The following SEMA3C variants were observed in gnomAD, a reference collection of about 807,000 sequenced individuals.
The protein encoded by SEMA3C is semaphorin 3C.
Under a neutral mutation model 89.4 loss-of-function variants are expected in SEMA3C, and 47 were observed. The observed-to-expected ratio is 0.53, with a 90% CI of 0.42 to 0.67. The LOEUF (loss-of-function observed/expected upper bound fraction) is 0.67, where lower values mean the gene tolerates loss of function less well. Among genes scored for constraint, SEMA3C ranks in the 30% least tolerant of loss-of-function variants. SEMA3C has a pLI of 0.00. For missense variants in SEMA3C, 839 were observed against 929.1 expected (o/e 0.90, Z 1.26); for synonymous variants, 310 against 320.2 (o/e 0.97, Z 0.34).
chr7:80,743,196 TAC>T lies in SEMA3C; in HGVS notation c.*1696_*1697del, dbSNP rs1047749900. On this transcript the variant is annotated 3_prime_UTR_variant, in exon 18 of 18. Coordinates refer to ENST00000265361, the MANE Select transcript of SEMA3C (RefSeq NM_006379.5). ...TGCTTTAGAAATTACTTTAAAATTA[TAC>T]ACATTTGGAACAACAGATTTTTTAA... 6 of 151,936 alleles carry T rather than the reference TAC, an allele frequency of 3.9e-5. No individual in the cohort carries two copies. The highest frequency in any genetic ancestry group is 8.8e-5 in the Non-Finnish European group (6 of 67,818). The allele number at this position is 151,936 out of a possible 1,614,324, so 9.4% of individuals were successfully genotyped here.
intron 11 of SEMA3C, among the ~76,000 whole-genome samples, chr7:80,795,886 T>C (rs1789052761): frequency 6.6e-6 from 1 of 152,216 alleles, no homozygotes; most frequent in Admixed American, 6.5e-5. Context: ...GTTACCACTC[T>C]AATGTTCTTA....
At chr7:80,825,185 T>C (rs1378094631) in intron 4 of SEMA3C, among the ~76,000 whole-genome samples, 1 of 152,204 alleles carries the variant, frequency 6.6e-6, no homozygotes, top group Non-Finnish European at 1.5e-5. Flanking sequence ...ACAGGACTTT[T>C]TTTTCCCATA....
intron 2 of SEMA3C, among the ~76,000 whole-genome samples, chr7:80,843,604 T>G (rs558314706): frequency 6.6e-6 from 1 of 152,292 alleles, no homozygotes; most frequent in African/African-American, 2.4e-5. Context: ...TGGAGCATAA[T>G]AGCTATCACT....
chr7:80,796,825 G>C lies in SEMA3C; in HGVS notation c.1131+1267C>G, dbSNP rs545716844. Among the ~76,000 whole-genome samples, 181 of 152,140 alleles carry C rather than the reference G, an allele frequency of 1.2e-3. 2 individuals carry two copies. Among genetic ancestry groups the C allele is most frequent in the Non-Finnish European group, 1.9e-3 (126 of 67,998 alleles). The stretch of plus-strand genomic sequence containing the variant: ...AAATGATTAAACTTTGAGCTTCCTA[G>C]CCAGGAACAAAACTTAAGCTTTAAA... On this transcript the variant is annotated intron_variant, in intron 11 of 17. Coordinates refer to ENST00000265361, the MANE Select transcript of SEMA3C (RefSeq NM_006379.5).
chr7:80,915,184 G>C (rs1030015149), intron 2 of SEMA3C, among the ~76,000 whole-genome samples: 1 of 152,124 alleles, frequency 6.6e-6, no homozygotes, highest in Non-Finnish European at 1.5e-5. Flanking sequence ...GTTCTAACTT[G>C]GGAGGAAAAG....
upstream of SEMA3C, chr7:80,919,229 G>A (rs1792355340): frequency 4.1e-6 from 4 of 985,160 alleles, no homozygotes; most frequent in Non-Finnish European, 4.8e-6. Context: ...GCGAGAGCCT[G>A]GCAGGGAGCC....
chr7:80,920,676 A>G (rs1398515109), upstream of SEMA3C, among the ~76,000 whole-genome samples: 2 of 152,244 alleles, frequency 1.3e-5, no homozygotes, highest in African/African-American at 2.4e-5. Flanking sequence ...AAAAATTAAT[A>G]TAGTAACAAC....
At chr7:80,865,115 T>C (rs1406035838) in intron 2 of SEMA3C, among the ~76,000 whole-genome samples, 1 of 152,220 alleles carries the variant, frequency 6.6e-6, no homozygotes, top group East Asian at 1.9e-4. Flanking sequence ...TTTTCTAAAA[T>C]GAGTTTCTTT....
chr7:80,819,158 A>G (rs1789684792), intron 4 of SEMA3C, among the ~76,000 whole-genome samples: 2 of 152,196 alleles, frequency 1.3e-5, no homozygotes, highest in Admixed American at 1.3e-4. Flanking sequence ...TTATTTGGCA[A>G]TACTTTGCTA....
intron 6 of SEMA3C, among the ~76,000 whole-genome samples, chr7:80,807,791 AATCTGTG>A (rs1789377100): frequency 1.3e-5 from 2 of 152,302 alleles, no homozygotes; most frequent in Admixed American, 6.5e-5. Context: ...TATCTTAAGC[AATCTGTG>A]CTTTTATTAG....
intron 2 of SEMA3C, among the ~76,000 whole-genome samples, chr7:80,888,139 T>A (rs916574863): frequency 1.3e-5 from 2 of 152,116 alleles, no homozygotes; most frequent in African/African-American, 4.8e-5. Context: ...TGGCCAAGTG[T>A]GGTGGCTCAT....
chr7:80,792,496 T>A (rs1205521954), intron 11 of SEMA3C, among the ~76,000 whole-genome samples: 1 of 152,188 alleles, frequency 6.6e-6, no homozygotes, highest in Non-Finnish European at 1.5e-5. Flanking sequence ...ATTTACATAA[T>A]TTCCAGTTAG....
chr7:80,912,862 T>C (rs571265780), intron 2 of SEMA3C, among the ~76,000 whole-genome samples: 2 of 152,324 alleles, frequency 1.3e-5, no homozygotes, highest in Admixed American at 1.3e-4. Context: ...GTAATGCTAA[T>C]GCTACCAGAG....
intron 5 of SEMA3C, among the ~76,000 whole-genome samples, chr7:80,811,512 T>C (rs1789468873): frequency 1.3e-5 from 2 of 151,956 alleles, no homozygotes; most frequent in South Asian, 4.2e-4. Flanking sequence ...ACCTTTTTCT[T>C]ACATAAAGTT....
At chr7:80,821,940 C>T (rs564572501) in intron 4 of SEMA3C, among the ~76,000 whole-genome samples, 16 of 150,966 alleles carry the variant, frequency 1.1e-4, no homozygotes, top group African/African-American at 3.9e-4. Flanking sequence ...TCAATGTGCT[C>T]CCTGCCCCTC....
chr7:80,919,423 G>A (rs375323698), upstream of SEMA3C: 4 of 963,632 alleles, frequency 4.2e-6, 1 homozygote. Context: ...GACTTACACA[G>A]GCTTTGCCTG....
chr7:80,771,453 C>G (rs1380343906), intron 12 of SEMA3C, among the ~76,000 whole-genome samples: 1 of 152,162 alleles, frequency 6.6e-6, no homozygotes, highest in East Asian at 1.9e-4. Flanking sequence ...AGAAAATTTC[C>G]TAGACAGTCT....
Position 80,744,112 on chromosome 7 carries a change from G to A in SEMA3C, c.*782C>T, listed in dbSNP as rs1787743275. 1 of 115,968 alleles carries A rather than the reference G, an allele frequency of 8.6e-6. No individual in the cohort carries two copies. Among genetic ancestry groups the A allele is most frequent in the African/African-American group, 3.1e-5 (1 of 32,728 alleles). The allele number at this position is 115,968 out of a possible 1,614,324, so 7.2% of individuals were successfully genotyped here. ...AAACAGTAATAACTGAGTAGTGCCAGATTATATTCTTTGAGTCTAAAATAA... is the reference window on the plus strand; with the variant it reads ...AAACAGTAATAACTGAGTAGTGCCAAATTATATTCTTTGAGTCTAAAATAA... On this transcript the variant is annotated 3_prime_UTR_variant, in exon 18 of 18. Transcript: ENST00000265361.
intron 5 of SEMA3C, among the ~76,000 whole-genome samples, chr7:80,810,927 G>A (rs1789453390): frequency 6.6e-6 from 1 of 152,046 alleles, no homozygotes; most frequent in South Asian, 2.1e-4. Context: ...GCACTCCCCA[G>A]AGAGCTGATC....
Sources: gnomAD v4.1 joint callset for allele counts (sites outside exome capture counted in the v4.1 genomes callset) on GRCh38, gnomAD v4.1.1 for gene constraint, MANE v1.5 for transcripts, NCBI Gene and HGNC (gene_info 2026-07-23, HGNC 2026-07-21) for gene names.